Variants in TRPM3 observed in about 807,000 individuals in gnomAD.
TRPM3 encodes the protein transient receptor potential cation channel subfamily M member 3.
Under a neutral mutation model 181.2 loss-of-function variants are expected in TRPM3, and 77 were observed. That is an observed-to-expected ratio of 0.42 (90% CI 0.35 to 0.51). TRPM3 has a LOEUF of 0.51. Ranked by LOEUF, TRPM3 falls within the 20% of genes least tolerant of loss-of-function variation. The pLI, the probability that TRPM3 is intolerant of heterozygous loss-of-function variation, is 0.01. For missense variants in TRPM3, 1,759 were observed against 2,196.7 expected (o/e 0.80, Z 3.98); for synonymous variants, 745 against 796.4 (o/e 0.94, Z 1.09).
chr9:70,794,686 C>G (rs2086550047), intron 6 of TRPM3, among the ~76,000 whole-genome samples: 1 of 152,206 alleles, frequency 6.6e-6, no homozygotes, highest in South Asian at 2.1e-4. Context: ...CATGTGCCTG[C>G]TGGCTCCCGT....
rs535216926 is a variant in TRPM3 at position 71,308,355 on chromosome 9, T to C, written c.183+138298A>G. Among the ~76,000 whole-genome samples the C allele has an allele frequency of 5.9e-5, 9 of 152,308 alleles. 1 individual carries two copies. In the East Asian group the frequency reaches 1.5e-3, roughly 26 times the overall value. On this transcript the variant is annotated intron_variant, in intron 1 of 24. Transcript: ENST00000357533. ...AAATTTAGAGGATTATTTGAGATGT[T>C]GTCAGCATGAATTCAGGAAAATTGA...
At position 71,098,074 on chromosome 9, in the gene TRPM3, A is replaced by T. The variant is rs541593770; in HGVS notation, c.177+23104T>A. On this transcript the variant is annotated intron_variant, in intron 1 of 25. Transcript: ENST00000677713. Reference sequence around the variant, plus strand: ...TTTGATACATGCTCAGGCCATGGGAATTTCACTGTGTGACAATAGCTGTGC... The same window carrying T: ...TTTGATACATGCTCAGGCCATGGGATTTTCACTGTGTGACAATAGCTGTGC... Among the ~76,000 whole-genome samples the T allele has an allele frequency of 9.9e-5, 15 of 152,248 alleles. No individual in the cohort carries two copies. In the South Asian group the frequency reaches 2.9e-3, roughly 29 times the overall value.
chr9:71,247,699 C>T (rs2082115429), intron 1 of TRPM3, among the ~76,000 whole-genome samples: 1 of 152,020 alleles, frequency 6.6e-6, no homozygotes. Flanking sequence ...AGGTAATCAG[C>T]TCAGGGCAAG....
At chr9:71,394,275 T>C (rs1369471205) in intron 1 of TRPM3, among the ~76,000 whole-genome samples, 3 of 152,218 alleles carry the variant, frequency 2.0e-5, no homozygotes, top group Admixed American at 2.0e-4. Flanking sequence ...TAAAATACTT[T>C]CATAATTTTA....
chr9:71,120,994 G>T (rs2073521195), intron 1 of TRPM3, among the ~76,000 whole-genome samples, 184 bp downstream of exon 1: 1 of 151,008 alleles, frequency 6.6e-6, no homozygotes, highest in Non-Finnish European at 1.5e-5. Context: ...ACACCACGGG[G>T]TGTGGGTGGG....
chr9:71,446,268 C>T (rs758675723), intron 1 of TRPM3, among the ~76,000 whole-genome samples: 9 of 152,104 alleles, frequency 5.9e-5, no homozygotes, highest in Non-Finnish European at 1.3e-4. Flanking sequence ...CCTCATTCAG[C>T]GGAGGCCGAG....
intron 1 of TRPM3, among the ~76,000 whole-genome samples, chr9:71,402,326 G>T (rs913025664): frequency 2.0e-5 from 3 of 152,148 alleles, no homozygotes; most frequent in South Asian, 4.1e-4. Flanking sequence ...AATCAGAAAA[G>T]AGGTGTCTAA....
chr9:70,761,534 T>C (rs1233676634), intron 8 of TRPM3, 67 bp downstream of exon 8: 2 of 1,609,478 alleles, frequency 1.2e-6, no homozygotes, highest in African/African-American at 1.3e-5. Context: ...TTTGAGAAAA[T>C]GTTGTGTGAT....
At chr9:71,131,625 G>A (rs1035470756) in intron 1 of TRPM3, among the ~76,000 whole-genome samples, 5 of 152,136 alleles carry the variant, frequency 3.3e-5, no homozygotes, top group Admixed American at 3.3e-4. Flanking sequence ...ACTATTGCTT[G>A]TCTATAAACT....
chr9:71,083,564 T>C (rs1337449821), intron 1 of TRPM3, among the ~76,000 whole-genome samples: 1 of 151,638 alleles, frequency 6.6e-6, no homozygotes, highest in South Asian at 2.1e-4. Context: ...GATGGGAAAG[T>C]ATGAAAAAAG....
At chr9:71,377,976 G>A (rs937471632) in intron 1 of TRPM3, among the ~76,000 whole-genome samples, 12 of 151,826 alleles carry the variant, frequency 7.9e-5, no homozygotes, top group Non-Finnish European at 1.8e-4. Flanking sequence ...ATCTATTCTA[G>A]TATTGATGGA....
chr9:70,846,611 C>A lies in TRPM3; in HGVS notation c.463-20G>T, dbSNP rs189564881. 1.2e-6 allele frequency: 2 copies of A among 1,604,972 alleles called. No individual in the cohort carries two copies. The highest frequency in any genetic ancestry group is 4.5e-5 in the East Asian group (2 of 44,820). ...CACATACTGGAAGAAGAAAGGACAT[C>A]AATTAGGGAGACAAGGCAGGACTGG... On this transcript the variant is annotated intron_variant, in intron 3 of 25. Coordinates refer to ENST00000677713, the MANE Select transcript of TRPM3 (RefSeq NM_001366145.2).
chr9:71,398,684 T>A (rs939717694), intron 1 of TRPM3, among the ~76,000 whole-genome samples: 1 of 152,212 alleles, frequency 6.6e-6, no homozygotes, highest in Non-Finnish European at 1.5e-5. Context: ...GTACAGCTTC[T>A]GGAACTGTGA....
intron 6 of TRPM3, among the ~76,000 whole-genome samples, chr9:70,819,794 A>C (rs560501073): frequency 6.6e-6 from 1 of 152,322 alleles, no homozygotes; most frequent in African/African-American, 2.4e-5. Flanking sequence ...TCCTATACCC[A>C]AGGTTGATGT....
intron 12 of TRPM3, among the ~76,000 whole-genome samples, chr9:70,629,215 C>CGGA (rs2065248837): frequency 9.8e-5 from 1 of 10,162 alleles, no homozygotes; most frequent in Non-Finnish European, 2.5e-4. Context: ...TGACCAGTGC[C>CGGA]GGGGGGGGGG....
chr9:70,823,854 C>T (rs1482456739), intron 6 of TRPM3, among the ~76,000 whole-genome samples: 1 of 152,162 alleles, frequency 6.6e-6, no homozygotes, highest in African/African-American at 2.4e-5. Flanking sequence ...GATGGAAGAG[C>T]ATTGTGAGGC....
intron 1 of TRPM3, among the ~76,000 whole-genome samples, chr9:71,149,358 A>G (rs140028618): frequency 1.3e-4 from 20 of 152,160 alleles, no homozygotes; most frequent in African/African-American, 4.8e-4. Context: ...AGCCATGATC[A>G]TGCTACTACA....
intron 1 of TRPM3, among the ~76,000 whole-genome samples, chr9:71,406,068 G>A (rs2093430596): frequency 6.6e-6 from 1 of 152,128 alleles, no homozygotes; most frequent in South Asian, 2.1e-4. Flanking sequence ...GAGGTCAAGA[G>A]ATCGAGACCA....
chr9:71,160,591 T>A (rs1020473326), intron 1 of TRPM3, among the ~76,000 whole-genome samples: 31 of 152,148 alleles, frequency 2.0e-4, no homozygotes, highest in Non-Finnish European at 7.4e-5. Context: ...GTCTCAACAC[T>A]TTACTTCCAC....
Sources: allele counts gnomAD v4.1 joint callset (sites outside exome capture counted in the v4.1 genomes callset), GRCh38; gene constraint gnomAD v4.1.1; transcripts MANE v1.5; gene names NCBI Gene and HGNC (gene_info 2026-07-23, HGNC 2026-07-21).